Variants in PCDH15 observed in about 807,000 individuals in gnomAD.
PCDH15 encodes the protein protocadherin related 15, also known as protocadherin-15.
A neutral mutation model predicts 178.5 loss-of-function variants in PCDH15; 129 were observed. The ratio of observed to expected loss-of-function variants is 0.72; its 90% CI spans 0.63 to 0.84. The LOEUF is 0.84. Among genes scored for constraint, PCDH15 ranks in the 40% least tolerant of loss-of-function variants. The probability of loss-of-function intolerance (pLI) is 0.00; values close to 1 mark genes in which losing one functional copy is unlikely to be tolerated. For missense variants in PCDH15, 2,230 were observed against 2,099.9 expected, an observed-to-expected ratio of 1.06 and a Z score of -1.21; for synonymous variants, 800 against 732.0, an observed-to-expected ratio of 1.09 and a Z score of -1.50.
intron 8 of PCDH15, 58 bp from the exon 9 acceptor site, chr10:54,236,989 T>C (rs1246836772): frequency 2.9e-6 from 4 of 1,379,996 alleles, no homozygotes; most frequent in Admixed American, 3.4e-5. Flanking sequence ...TCATGAAGGA[T>C]TGAGACAGAT....
At chr10:54,619,626 A>G (rs902504203) in intron 2 of PCDH15, among the ~76,000 whole-genome samples, 2 of 152,158 alleles carry the variant, frequency 1.3e-5, no homozygotes, top group African/African-American at 4.8e-5. Context: ...GGTACTCTAA[A>G]TTAAATAAGA....
intron 2 of PCDH15, chr10:55,365,994 T>G (rs1845349916): frequency 6.6e-6 from 1 of 152,136 alleles, no homozygotes; most frequent in African/African-American, 2.4e-5. Context: ...AGTGAATAGC[T>G]CTAGGATTTA....
At chr10:55,274,777 C>T (rs1186143098) in intron 1 of PCDH15, among the ~76,000 whole-genome samples, 1 of 152,068 alleles carries the variant, frequency 6.6e-6, no homozygotes, top group Non-Finnish European at 1.5e-5. Context: ...CGGGATGAAA[C>T]TGTTCCATCT....
Position 53,805,400 on chromosome 10 carries a change from G to A in PCDH15, c.*1179C>T, listed in dbSNP as rs1841087324. On this transcript the variant is annotated 3_prime_UTR_variant, in exon 38 of 38. Transcript: ENST00000644397. ...AGGCAAGTTTTTTAAAGGATATTCT[G>A]TTTTCATTTCTACTTATGATGAAAC... The A allele has an allele frequency of 6.6e-6, 1 of 151,904 alleles. No homozygotes were observed. Among genetic ancestry groups the A allele is most frequent in the Non-Finnish European group, 1.5e-5 (1 of 67,932 alleles). The allele number at this position is 151,904 out of a possible 1,614,324, so 9.4% of individuals were successfully genotyped here.
intron 2 of PCDH15, among the ~76,000 whole-genome samples, chr10:54,934,011 C>T (rs985008398): frequency 7.2e-5 from 11 of 152,048 alleles, no homozygotes; most frequent in Non-Finnish European, 1.2e-4. Context: ...GATATAGAGA[C>T]ACTATCAATA....
chr10:54,867,688 T>C (rs1301757821), intron 3 of PCDH15, among the ~76,000 whole-genome samples: 2 of 152,102 alleles, frequency 1.3e-5, no homozygotes, highest in Non-Finnish European at 2.9e-5. Context: ...TATTACAATA[T>C]TGCAATTAAT....
chr10:53,982,587 G>A (rs193052087), intron 21 of PCDH15, among the ~76,000 whole-genome samples: 3,126 of 148,118 alleles, frequency 0.021, 61 homozygotes, highest in South Asian at 0.099. Flanking sequence ...ACCAAACACC[G>A]CATGTTCTCA....
chr10:54,641,537 C>T (rs1377578478), intron 2 of PCDH15, among the ~76,000 whole-genome samples: 2 of 151,928 alleles, frequency 1.3e-5, no homozygotes, highest in Non-Finnish European at 2.9e-5. Flanking sequence ...TCCACTTCCA[C>T]TCCCCATTTG....
intron 2 of PCDH15, among the ~76,000 whole-genome samples, chr10:55,134,990 C>G (rs771859812): frequency 2.6e-5 from 4 of 152,070 alleles, no homozygotes; most frequent in Non-Finnish European, 5.9e-5. Context: ...ACTTAAAGAA[C>G]AAGATCTTAG....
At chr10:54,382,996 G>A (rs1949421076) in intron 3 of PCDH15, among the ~76,000 whole-genome samples, 1 of 152,096 alleles carries the variant, frequency 6.6e-6, no homozygotes, top group African/African-American at 2.4e-5. Context: ...TTTACAATCA[G>A]CAATATAGAG....
intron 2 of PCDH15, among the ~76,000 whole-genome samples, chr10:55,134,097 G>A (rs1838128906): frequency 6.6e-6 from 1 of 151,942 alleles, no homozygotes; most frequent in African/African-American, 2.4e-5. Flanking sequence ...TCAATTTAAT[G>A]GCCTGTAAGT....
At chr10:54,830,724 T>TA (rs1326541075) in intron 3 of PCDH15, among the ~76,000 whole-genome samples, 2 of 150,528 alleles carry the variant, frequency 1.3e-5, no homozygotes, top group Non-Finnish European at 3.0e-5. Flanking sequence ...CCCTAAAACT[T>TA]AAAGTATAAT....
chr10:54,027,957 C>A (rs1229102991), intron 18 of PCDH15, among the ~76,000 whole-genome samples: 2,128 of 150,344 alleles, frequency 0.014, 25 homozygotes, highest in Non-Finnish European at 0.022. Flanking sequence ...GAATTAAACT[C>A]AAGAGCTTCT....
intron 2 of PCDH15, among the ~76,000 whole-genome samples, chr10:54,900,519 G>T (rs185139751): frequency 6.6e-6 from 1 of 152,172 alleles, no homozygotes. Flanking sequence ...CATTTCAAAA[G>T]GAAGAAATTA....
chr10:55,475,780 A>G (rs1488403320), intron 2 of PCDH15, among the ~76,000 whole-genome samples: 1 of 152,140 alleles, frequency 6.6e-6, no homozygotes. Flanking sequence ...TTTGGTCCCA[A>G]GCCTTTTGGA....
At chr10:54,442,414 C>CTTTATATATATATATATATATATA (rs1491511066) in intron 3 of PCDH15, among the ~76,000 whole-genome samples, 1 of 19,164 alleles carries the variant, frequency 5.2e-5, no homozygotes, top group Non-Finnish European at 9.0e-5. Flanking sequence ...GCCTTAAAGG[C>CTTTATATATATATATATATATATA]TATATATATA....
At chr10:54,757,699 T>C (rs1947341446) in intron 1 of PCDH15, among the ~76,000 whole-genome samples, 1 of 152,112 alleles carries the variant, frequency 6.6e-6, no homozygotes, top group Non-Finnish European at 1.5e-5. Flanking sequence ...ATAAGACCAA[T>C]TAGATTATTC....
intron 2 of PCDH15, among the ~76,000 whole-genome samples, chr10:55,343,036 G>A (rs2131957065): frequency 6.6e-6 from 1 of 152,206 alleles, no homozygotes; most frequent in South Asian, 2.1e-4. Flanking sequence ...ACAACAAAGT[G>A]CTTTTCAACA....
chr10:54,283,412 A>G (rs150758034), intron 8 of PCDH15, among the ~76,000 whole-genome samples: 22 of 152,292 alleles, frequency 1.4e-4, no homozygotes, highest in African/African-American at 5.3e-4. Context: ...GGCTGTGTAG[A>G]AAATACAAGT....
Sources: gnomAD v4.1 joint callset for allele counts (sites outside exome capture counted in the v4.1 genomes callset) on GRCh38, gnomAD v4.1.1 for gene constraint, MANE v1.5 for transcripts, NCBI Gene and HGNC (gene_info 2026-07-23, HGNC 2026-07-21) for gene names.